GOLIM4: variants seen among roughly 807,000 people sequenced by gnomAD.
The protein encoded by GOLIM4 is 130 kDa golgi-localized phosphoprotein.
A neutral mutation model predicts 107.4 loss-of-function variants in GOLIM4; 71 were observed. That is an observed-to-expected ratio of 0.66 (90% CI 0.55 to 0.81). The LOEUF (loss-of-function observed/expected upper bound fraction) is 0.81. Ranked by LOEUF, GOLIM4 falls within the 30% of genes least tolerant of loss-of-function variation. GOLIM4 has a pLI of 0.00. For missense variants in GOLIM4, 830 were observed against 826.1 expected (o/e 1.00, Z -0.06); for synonymous variants, 327 against 294.8 (o/e 1.11, Z -1.12).
rs755308859 is a variant in GOLIM4, at chr3:168,032,515, C to T, written c.1176+5G>A. On this transcript the variant is annotated splice_donor_5th_base_variant and intron_variant, in intron 9 of 15. Coordinates refer to ENST00000470487, the MANE Select transcript of GOLIM4 (RefSeq NM_014498.5). ...ACACCATACCAGAAGCGGGTGACTTCATACCTCAGCACGCGCGTGCCCTTC... is the reference window on the plus strand; with the variant it reads ...ACACCATACCAGAAGCGGGTGACTTTATACCTCAGCACGCGCGTGCCCTTC... 7 of 1,610,728 alleles carry T rather than the reference C, an allele frequency of 4.3e-6. No homozygotes were observed. The South Asian group carries it at 7.7e-5, about 18-fold the overall frequency.
chr3:168,022,485 C>T (rs1294388519), intron 14 of GOLIM4, among the ~76,000 whole-genome samples: 1 of 152,086 alleles, frequency 6.6e-6, no homozygotes, highest in Non-Finnish European at 1.5e-5. Context: ...TTATTTTTCT[C>T]ATTTTGCCAT....
At chr3:168,013,994 G>A (rs1424858370) in intron 14 of GOLIM4, among the ~76,000 whole-genome samples, 1 of 145,018 alleles carries the variant, frequency 6.9e-6, no homozygotes, top group Admixed American at 6.7e-5. Context: ...AAAAGCAAGA[G>A]CAAACACATT....
In GOLIM4 at chr3:168,095,532, C is replaced by T; in HGVS notation, c.-247G>A. The T allele has an allele frequency of 4.2e-6, 2 of 472,660 alleles. No individual in the cohort carries two copies. The highest frequency in any genetic ancestry group is 3.7e-6 in the Non-Finnish European group (1 of 267,926). The allele number at this position is 472,660 out of a possible 1,614,324, so 29.3% of individuals were successfully genotyped here. A position where few individuals can be genotyped will look rare whatever the true frequency, so the allele number is the denominator to read the frequency against. The stretch of plus-strand genomic sequence containing the variant: ...CTGCGAGGCTCGTTCTCCGCGAATG[C>T]CCGGGGCCGGGAGGAGGCCCTCCGC... On this transcript the variant is annotated 5_prime_UTR_variant, in exon 1 of 16. Transcript: ENST00000470487.
intron 1 of GOLIM4, among the ~76,000 whole-genome samples, chr3:168,072,265 A>G (rs1245684060): frequency 6.6e-6 from 1 of 152,128 alleles, no homozygotes; most frequent in South Asian, 2.1e-4. Context: ...TGGGGTGGGA[A>G]GTCAATTCAA....
At chr3:168,011,137 T>G (rs900876202) in intron 14 of GOLIM4, among the ~76,000 whole-genome samples, 11 of 151,086 alleles carry the variant, frequency 7.3e-5, no homozygotes, top group African/African-American at 2.5e-4. Flanking sequence ...GGTACCAGGT[T>G]CCTCTCACTA....
intron 2 of GOLIM4, among the ~76,000 whole-genome samples, chr3:168,047,613 G>C (rs551474396): frequency 6.6e-6 from 1 of 152,252 alleles, no homozygotes; most frequent in South Asian, 2.1e-4. Context: ...AAGGTAGGCA[G>C]ACAGAACACG....
At chr3:168,087,609 A>G (rs1721692360) in intron 1 of GOLIM4, among the ~76,000 whole-genome samples, 1 of 152,202 alleles carries the variant, frequency 6.6e-6, no homozygotes, top group African/African-American at 2.4e-5. Flanking sequence ...TCTAAATTTT[A>G]TCATGAATCC....
chr3:168,080,162 G>C (rs1017415395), intron 1 of GOLIM4, among the ~76,000 whole-genome samples: 5 of 152,126 alleles, frequency 3.3e-5, no homozygotes, highest in African/African-American at 4.8e-5. Flanking sequence ...AATATGATTA[G>C]AGCTGCGGAG....
intron 1 of GOLIM4, among the ~76,000 whole-genome samples, chr3:168,062,401 C>CTTT: frequency 7.2e-6 from 1 of 139,164 alleles, no homozygotes; most frequent in Non-Finnish European, 1.6e-5. Context: ...TGTATTGGGG[C>CTTT]TTTTTTTTTT....
rs549897739 is a variant in GOLIM4, at chr3:168,080,169, G to A, written c.187+14930C>T. Among the ~76,000 whole-genome samples the A allele has an allele frequency of 3.9e-5, 6 of 152,196 alleles. No homozygotes were observed. The South Asian group carries it at 8.3e-4, about 21-fold the overall frequency. On this transcript the variant is annotated intron_variant, in intron 1 of 15. Coordinates refer to ENST00000470487, the MANE Select transcript of GOLIM4 (RefSeq NM_014498.5). The stretch of plus-strand genomic sequence containing the variant: ...AGAAAAAAAATATGATTAGAGCTGC[G>A]GAGATCTTCTGACAAATTCCAGACC...
chr3:168,065,748 C>T (rs931295910), intron 1 of GOLIM4, among the ~76,000 whole-genome samples: 8 of 152,176 alleles, frequency 5.3e-5, no homozygotes, highest in African/African-American at 1.9e-4. Flanking sequence ...CTTTAGGTTC[C>T]TCCATGGACT....
At chr3:168,018,049 T>C (rs905196355) in intron 14 of GOLIM4, among the ~76,000 whole-genome samples, 1 of 152,212 alleles carries the variant, frequency 6.6e-6, no homozygotes, top group African/African-American at 2.4e-5. Flanking sequence ...ACCATACATA[T>C]GCCAAAATGT....
intron 8 of GOLIM4, 115 bp from the exon 9 acceptor site, chr3:168,032,967 A>AAT (rs979546145): frequency 1.4e-5 from 11 of 764,054 alleles, no homozygotes; most frequent in Admixed American, 2.5e-5. Context: ...GGTGTCTAGA[A>AAT]ATATATATAG....
chr3:168,046,832 C>T, intron 3 of GOLIM4, 118 bp downstream of exon 3: 1 of 505,588 alleles, frequency 2.0e-6, no homozygotes, highest in Non-Finnish European at 3.4e-6. Flanking sequence ...GGGTGTCAGT[C>T]CTATAATCCC....
chr3:168,086,002 G>T (rs1417931878), intron 1 of GOLIM4, among the ~76,000 whole-genome samples: 5 of 151,932 alleles, frequency 3.3e-5, no homozygotes, highest in Admixed American at 6.6e-5. Context: ...CCCACACCTG[G>T]ATCAAATTTG....
chr3:168,054,795 C>A (rs190766818), intron 1 of GOLIM4, among the ~76,000 whole-genome samples: 367 of 152,198 alleles, frequency 2.4e-3, no homozygotes, highest in Non-Finnish European at 4.6e-3. Context: ...TGTGTCCCCA[C>A]CCAAATCTCA....
intron 14 of GOLIM4, among the ~76,000 whole-genome samples, chr3:168,012,198 G>A (rs1208039320): frequency 3.0e-5 from 4 of 131,438 alleles, no homozygotes; most frequent in Non-Finnish European, 4.5e-5. Flanking sequence ...GCTTAAAGGA[G>A]CTGATGGAGC....
chr3:168,055,521 G>A (rs761207260), intron 1 of GOLIM4, among the ~76,000 whole-genome samples: 6 of 151,974 alleles, frequency 3.9e-5, no homozygotes, highest in South Asian at 2.1e-4. Context: ...ACTCAGGGCC[G>A]GGCGCGGTGG....
chr3:168,011,218 T>C (rs1429086243), intron 14 of GOLIM4, among the ~76,000 whole-genome samples: 1 of 149,594 alleles, frequency 6.7e-6, no homozygotes, highest in Non-Finnish European at 1.5e-5. Flanking sequence ...GGGCGAGGCA[T>C]TGTCTCACTT....
Sources: gnomAD v4.1 joint callset for allele counts (sites outside exome capture counted in the v4.1 genomes callset) on GRCh38, gnomAD v4.1.1 for gene constraint, MANE v1.5 for transcripts, NCBI Gene and HGNC (gene_info 2026-07-23, HGNC 2026-07-21) for gene names.